PRKN: variants seen among roughly 807,000 people sequenced by gnomAD.
PRKN encodes the protein parkin RBR E3 ubiquitin protein ligase.
A neutral mutation model predicts 59.5 loss-of-function variants in PRKN; 56 were observed. The ratio of observed to expected loss-of-function variants is 0.94; its 90% CI spans 0.76 to 1.18. PRKN has a LOEUF of 1.18. Among genes scored for constraint, PRKN ranks in the 50% most tolerant of loss-of-function variants. The pLI is 0.00. For missense variants in PRKN, 657 were observed against 596.4 expected (o/e 1.10, Z -1.06); for synonymous variants, 250 against 222.1 (o/e 1.13, Z -1.12).
At chr6:162,321,807 C>T (rs1272117676) in intron 2 of PRKN, among the ~76,000 whole-genome samples, 1 of 151,936 alleles carries the variant, frequency 6.6e-6, no homozygotes, top group Admixed American at 6.6e-5. Context: ...AATCTGAAGT[C>T]TGTCTTATAC....
In PRKN at chr6:161,369,616, T is replaced by TG. The variant is rs1400111413; in HGVS notation, c.1168-9412dup. 3.9e-5 allele frequency among the ~76,000 whole-genome samples: 6 copies of TG among 152,284 alleles called. No homozygotes were observed. In the East Asian group the frequency reaches 1.2e-3, roughly 29 times the overall value. On this transcript the variant is annotated intron_variant, in intron 10 of 11. Coordinates refer to ENST00000366898, the MANE Select transcript of PRKN (RefSeq NM_004562.3). The surrounding 1 kb of genome is among the most constrained non-coding windows in gnomAD (Gnocchi z 5.8). Reference sequence around the variant, plus strand: ...AGGTAATTGCATAGAATTCTGTGCCTGTCTACTGCTCACCCGTGGCAGGAG... The same window carrying TG: ...AGGTAATTGCATAGAATTCTGTGCCTGGTCTACTGCTCACCCGTGGCAGGAG...
At position 161,734,868 on chromosome 6, in the gene PRKN, C is replaced by T. The variant is rs543833893; in HGVS notation, c.871+50904G>A. Among the ~76,000 whole-genome samples, 10 of 152,160 alleles carry T rather than the reference C, an allele frequency of 6.6e-5. No individual in the cohort carries two copies. The East Asian group carries it at 7.7e-4, about 12-fold the overall frequency. On this transcript the variant is annotated intron_variant, in intron 7 of 11. Coordinates refer to ENST00000366898, the MANE Select transcript of PRKN (RefSeq NM_004562.3). The stretch of plus-strand genomic sequence containing the variant: ...CCATTTGCCTATATCACAATGATGA[C>T]GCACCTAACAGAAATAAATATTAAT...
chr6:162,703,059 T>G (rs1778214291), intron 1 of PRKN, among the ~76,000 whole-genome samples: 1 of 152,190 alleles, frequency 6.6e-6, no homozygotes, highest in Non-Finnish European at 1.5e-5. Flanking sequence ...TAGGTGTTGA[T>G]TACTAGGAAA....
Position 161,457,097 on chromosome 6 carries a change from CA to C in PRKN, c.1084-70221del, listed in dbSNP as rs1244866518. 3.3e-5 allele frequency among the ~76,000 whole-genome samples: 5 copies of C among 152,246 alleles called. No homozygotes were observed. The highest frequency in any genetic ancestry group is 5.9e-5 in the Non-Finnish European group (4 of 68,046). The stretch of plus-strand genomic sequence containing the variant: ...ATATCCACTGAGCGTCTTCGCTACG[CA>C]AGGCTCTCTTCCAGACCGCTTGGTT... On this transcript the variant is annotated intron_variant, in intron 9 of 11. Coordinates refer to ENST00000366898, the MANE Select transcript of PRKN (RefSeq NM_004562.3). This position sits in a 1 kb window ranked among gnomAD's most constrained non-coding sequence, Gnocchi z 5.0.
At chr6:162,221,621 C>G (rs1458082785) in intron 3 of PRKN, among the ~76,000 whole-genome samples, 2 of 152,096 alleles carry the variant, frequency 1.3e-5, no homozygotes, top group Non-Finnish European at 2.9e-5. Context: ...GTCTCCCAAG[C>G]CAAAATTTGA....
At chr6:161,606,094 CTG>C (rs1342580166) in intron 7 of PRKN, among the ~76,000 whole-genome samples, 3 of 152,096 alleles carry the variant, frequency 2.0e-5, no homozygotes, top group Non-Finnish European at 4.4e-5. Context: ...TGGACAGAGA[CTG>C]TTTTTCTATC....
At chr6:161,979,933 C>T (rs1473208936) in intron 5 of PRKN, among the ~76,000 whole-genome samples, 1 of 152,122 alleles carries the variant, frequency 6.6e-6, no homozygotes, top group Non-Finnish European at 1.5e-5. Context: ...GAATAAATAG[C>T]CCAGCAAAAT....
chr6:161,809,086 C>A (rs979437405), intron 6 of PRKN, among the ~76,000 whole-genome samples: 1 of 152,176 alleles, frequency 6.6e-6, no homozygotes, highest in Non-Finnish European at 1.5e-5. Context: ...GGCAGTCCGC[C>A]CACCTCAGCC....
intron 1 of PRKN, chr6:162,727,325 C>CGGCGGCGGGGCGCAGGTGAGGGGG: frequency 2.6e-6 from 1 of 378,342 alleles, no homozygotes; most frequent in East Asian, 5.0e-5. Flanking sequence ...AGGTGAGGGG[C>CGGCGGCGGGGCGCAGGTGAGGGGG]GGCGGCGGGG....
chr6:162,228,995 C>T (rs909843389), intron 3 of PRKN, among the ~76,000 whole-genome samples: 3 of 152,172 alleles, frequency 2.0e-5, no homozygotes, highest in Admixed American at 6.5e-5. Context: ...GGTACCACAG[C>T]GCAATCTATG....
intron 2 of PRKN, among the ~76,000 whole-genome samples, chr6:162,265,878 G>C (rs1366881260): frequency 6.6e-6 from 1 of 152,152 alleles, no homozygotes; most frequent in Non-Finnish European, 1.5e-5. Context: ...TTATGGCACT[G>C]AGATTTCTGC....
intron 8 of PRKN, among the ~76,000 whole-genome samples, chr6:161,568,062 G>A (rs1009584071): frequency 2.0e-5 from 3 of 152,176 alleles, no homozygotes; most frequent in African/African-American, 7.2e-5. Flanking sequence ...GAAAAATGAA[G>A]GGGATGTACT....
intron 7 of PRKN, among the ~76,000 whole-genome samples, chr6:161,639,716 T>C (rs995481787): frequency 6.6e-6 from 1 of 152,222 alleles, no homozygotes; most frequent in Non-Finnish European, 1.5e-5. Context: ...TGTGTATCTT[T>C]GCCACATTCT....
At position 162,727,716 on chromosome 6, in the gene PRKN, G is replaced by C. The variant is rs1346951062; in HGVS notation, c.-48C>G. 3 of 1,550,856 alleles carry C rather than the reference G, an allele frequency of 1.9e-6. No homozygotes were observed. Among genetic ancestry groups the C allele is most frequent in the Non-Finnish European group, 8.7e-7 (1 of 1,146,740 alleles). On this transcript the variant is annotated 5_prime_UTR_variant, in exon 1 of 12. Coordinates refer to ENST00000366898, the MANE Select transcript of PRKN (RefSeq NM_004562.3). ...GCGGGCCAGGAACAGGCCCATGCGC[G>C]CAGCGGCGCCAGCCGCGCCTCCCAC...
At chr6:162,227,784 A>T (rs1778245019) in intron 3 of PRKN, among the ~76,000 whole-genome samples, 1 of 152,124 alleles carries the variant, frequency 6.6e-6, no homozygotes, top group Non-Finnish European at 1.5e-5. Context: ...AAAGCTGGCA[A>T]ATGCATTCTC....
chr6:161,971,574 A>G (rs891912972), intron 6 of PRKN, among the ~76,000 whole-genome samples: 2 of 152,160 alleles, frequency 1.3e-5, no homozygotes, highest in African/African-American at 4.8e-5. Flanking sequence ...ACAGTCATTC[A>G]CCTTGCCAAG....
At chr6:162,410,296 A>C (rs1788288072) in intron 2 of PRKN, among the ~76,000 whole-genome samples, 1 of 152,022 alleles carries the variant, frequency 6.6e-6, no homozygotes, top group Non-Finnish European at 1.5e-5. Context: ...AGAGATCCTC[A>C]GTTCCCCACC....
At chr6:162,256,639 T>C (rs1779650450) in intron 3 of PRKN, among the ~76,000 whole-genome samples, 1 of 151,986 alleles carries the variant, frequency 6.6e-6, no homozygotes, top group Non-Finnish European at 1.5e-5. Flanking sequence ...ATGGGCAGTG[T>C]CCTCTGAAAC....
At chr6:162,134,516 T>G (rs113563464) in intron 4 of PRKN, among the ~76,000 whole-genome samples, 10 of 151,670 alleles carry the variant, frequency 6.6e-5, no homozygotes, top group African/African-American at 2.4e-4. Flanking sequence ...GAAGGGAGAG[T>G]GAAGTGAATG....
Sources: gnomAD v4.1 joint callset for allele counts (sites outside exome capture counted in the v4.1 genomes callset) on GRCh38, gnomAD v4.1.1 for gene constraint, Gnocchi (gnomAD v3.1) non-coding constraint, MANE v1.5 for transcripts, NCBI Gene and HGNC (gene_info 2026-07-23, HGNC 2026-07-21) for gene names.